The following GON4L variants were observed in gnomAD, a reference collection of about 807,000 sequenced individuals.
The protein encoded by GON4L is GON-4-like protein.
In GON4L, 87 loss-of-function variants were observed where a neutral mutation model predicts 211.8. That is an observed-to-expected ratio of 0.41 (90% CI 0.35 to 0.49). The LOEUF is 0.49. GON4L is among the 20% of genes least tolerant of loss of function. The pLI is 0.15. For synonymous variants in GON4L, 875 were observed against 962.6 expected (o/e 0.91, Z 1.68); for missense variants, 2,155 against 2,659.5 (o/e 0.81, Z 4.17).
At chr1:155,779,043 G>C (rs975089273) in intron 14 of GON4L, among the ~76,000 whole-genome samples, 25 of 151,738 alleles carry the variant, frequency 1.6e-4, no homozygotes, top group Admixed American at 3.3e-4. Flanking sequence ...GAGGTGGGCG[G>C]ATCACGAGGT....
chr1:155,754,164 C>T (rs1008808939), intron 28 of GON4L: 11 of 604,688 alleles, frequency 1.8e-5, no homozygotes, highest in Non-Finnish European at 3.0e-5. Context: ...TTTTCCAATT[C>T]CAAAAGCTTT....
intron 2 of GON4L, among the ~76,000 whole-genome samples, chr1:155,832,158 C>G (rs1669839109): frequency 6.7e-6 from 1 of 150,218 alleles, no homozygotes; most frequent in Non-Finnish European, 1.5e-5. Context: ...GCCTGTAATC[C>G]CAGCTACTCG....
intron 2 of GON4L, among the ~76,000 whole-genome samples, chr1:155,847,308 T>C (rs537337594): frequency 1.3e-5 from 2 of 152,292 alleles, no homozygotes; most frequent in East Asian, 3.9e-4. Context: ...GGCTCATGCC[T>C]GTAATCCCAG....
At chr1:155,787,610 T>C (rs1388273968) in intron 12 of GON4L, among the ~76,000 whole-genome samples, 2 of 152,002 alleles carry the variant, frequency 1.3e-5, no homozygotes, top group Admixed American at 6.6e-5. Flanking sequence ...CCGTCTCTAC[T>C]AAAAATACAA....
At chr1:155,747,374 G>C, downstream of GON4L, 2 of 1,315,192 alleles carry the variant, frequency 1.5e-6, no homozygotes, top group Non-Finnish European at 2.1e-6. Context: ...CATCCCCGGA[G>C]CATCTGTATG....
chr1:155,796,385 C>A (rs1250287709), intron 11 of GON4L, among the ~76,000 whole-genome samples: 1 of 151,510 alleles, frequency 6.6e-6, no homozygotes, highest in Non-Finnish European at 1.5e-5. Context: ...TCAAGCAATT[C>A]TCCTGCCTCA....
At chr1:155,749,300 A>G, downstream of GON4L, 1 of 1,612,298 alleles carries the variant, frequency 6.2e-7, no homozygotes, top group Non-Finnish European at 8.5e-7. Flanking sequence ...CCACAGACTA[A>G]TGGTGGTTTT....
intron 12 of GON4L, among the ~76,000 whole-genome samples, chr1:155,789,773 A>C (rs1665335940): frequency 6.6e-6 from 1 of 152,002 alleles, no homozygotes; most frequent in Non-Finnish European, 1.5e-5. Context: ...AATCTCCTGG[A>C]ACCATTTCGT....
At chr1:155,770,065 G>C (rs1423105519) in intron 19 of GON4L, among the ~76,000 whole-genome samples, 1 of 143,572 alleles carries the variant, frequency 7.0e-6, no homozygotes, top group African/African-American at 2.7e-5. Flanking sequence ...AAAATTAATA[G>C]GCAAGCATGG....
chr1:155,848,945 C>T (rs1256958320), intron 2 of GON4L, among the ~76,000 whole-genome samples: 1 of 141,978 alleles, frequency 7.0e-6, no homozygotes, highest in Non-Finnish European at 1.5e-5. Flanking sequence ...GTCAGGAGTT[C>T]GAGACCAGGC....
chr1:155,752,693 A>G, intron 29 of GON4L, 103 bp from the exon 30 acceptor site: 5 of 1,526,082 alleles, frequency 3.3e-6, no homozygotes, highest in Non-Finnish European at 4.4e-6. Flanking sequence ...TCTAATAAAA[A>G]AGAGGGCTGG....
chr1:155,838,673 G>A (rs1670520907), intron 2 of GON4L, among the ~76,000 whole-genome samples: 1 of 151,726 alleles, frequency 6.6e-6, no homozygotes, highest in South Asian at 2.1e-4. Context: ...GGGAGGCTGA[G>A]GCCCAAGAAG....
chr1:155,785,437 C>A, intron 12 of GON4L, 63 bp from the exon 13 acceptor site: 4 of 1,125,446 alleles, frequency 3.6e-6, no homozygotes, highest in Non-Finnish European at 5.4e-6. Flanking sequence ...GGAGGAATTC[C>A]ATGAAGACAA....
At chr1:155,771,307 T>C in intron 18 of GON4L, 90 bp from the exon 19 acceptor site, 11 of 1,568,822 alleles carry the variant, frequency 7.0e-6, no homozygotes, top group Non-Finnish European at 9.6e-6. Context: ...ATCTACTCTT[T>C]CATTTTTTTC....
rs1021967529 is a variant in GON4L, at chr1:155,752,317, T to G, written c.6116A>C (p.Glu2039Ala). 21 of 1,594,812 alleles carry G rather than the reference T, an allele frequency of 1.3e-5. No homozygotes were observed. The African/African-American group carries it at 2.7e-4, about 20-fold the overall frequency. The stretch of plus-strand genomic sequence containing the variant: ...GGGTTCCACGGTACCAGGCAATTTC[T>G]CAGTTTCTGATGCATCCCAGACCAG... ...LMLVWDASET[E>A]KLPGTVEPPA... Residue 2039 changes from glutamate to alanine, a missense_variant, in exon 30 of 32, where the codon GAG (glutamate) becomes GCG (alanine). Glu to Ala is a moderately radical substitution (Grantham distance 107). Coordinates refer to ENST00000368331, the MANE Select transcript of GON4L (RefSeq NM_001282860.2).
chr1:155,748,884 C>T, downstream of GON4L: 1 of 1,168,034 alleles, frequency 8.6e-7, no homozygotes, highest in Non-Finnish European at 1.2e-6. Flanking sequence ...TTGTTCCCTC[C>T]CCACCCCTTA....
Position 155,777,784 on chromosome 1 carries a change from T to A in GON4L, c.1929A>T (p.Gln643His). The change falls in exon 15 of 32, where the codon CAA (glutamine) becomes CAT (histidine). Residue 643 changes from glutamine to histidine, a missense_variant. Physicochemically the swap from Gln to His is conservative, Grantham distance 24. Transcript: ENST00000368331. Reference sequence around the variant, plus strand: ...CAAATAGCTCCTTCACTGTCCGATGTTGTTCATTTAACAGGTTGGCCAGTG... The same window carrying A: ...CAAATAGCTCCTTCACTGTCCGATGATGTTCATTTAACAGGTTGGCCAGTG... ...EEPLANLLNE[Q>H]HRTVKELFEQ... 6.2e-7 allele frequency: 1 copy of A among 1,613,620 alleles called. No individual in the cohort carries two copies.
chr1:155,745,473 A>T (rs1660221428), downstream of GON4L, among the ~76,000 whole-genome samples: 1 of 152,158 alleles, frequency 6.6e-6, no homozygotes, highest in Non-Finnish European at 1.5e-5. Flanking sequence ...CAGCGGAGAG[A>T]TCTGTAAGAA....
chr1:155,819,284 T>A (rs1290436638), intron 6 of GON4L, among the ~76,000 whole-genome samples: 1 of 148,726 alleles, frequency 6.7e-6, no homozygotes, highest in Non-Finnish European at 1.5e-5. Context: ...GCCTGGACGA[T>A]GAAGCAAGAC....
Sources: allele counts gnomAD v4.1 joint callset (sites outside exome capture counted in the v4.1 genomes callset), GRCh38; gene constraint gnomAD v4.1.1; transcripts MANE v1.5; gene names NCBI Gene and HGNC (gene_info 2026-07-23, HGNC 2026-07-21).